SCN11A: variants seen among roughly 807,000 people sequenced by gnomAD.
The protein encoded by SCN11A is sodium voltage-gated channel alpha subunit 11, also known as sodium channel protein type 11 subunit alpha.
A neutral mutation model predicts 162.2 loss-of-function variants in SCN11A; 122 were observed. That is an observed-to-expected ratio of 0.75 (90% CI 0.65 to 0.87). The LOEUF (loss-of-function observed/expected upper bound fraction) is 0.87, where lower values mean the gene tolerates loss of function less well. Ranked by LOEUF, SCN11A falls within the 40% of genes least tolerant of loss-of-function variation. The pLI is 0.00. For missense variants in SCN11A, 2,015 were observed against 2,181.6 expected (o/e 0.92, Z 1.52); for synonymous variants, 758 against 751.5 (o/e 1.01, Z -0.14).
intron 2 of SCN11A, among the ~76,000 whole-genome samples, chr3:38,975,877 G>A (rs1041401897): frequency 1.3e-5 from 2 of 152,110 alleles, no homozygotes; most frequent in Non-Finnish European, 2.9e-5. Context: ...TTGGGAAGAT[G>A]AAAAAGCTCT....
chr3:39,007,648 G>A (rs148123559), intron 2 of SCN11A, among the ~76,000 whole-genome samples: 21 of 152,316 alleles, frequency 1.4e-4, no homozygotes, highest in African/African-American at 5.1e-4. Context: ...ATACATCATT[G>A]TGCCAGGAGA....
chr3:38,946,611 A>G (rs777367731), intron 6 of SCN11A, among the ~76,000 whole-genome samples, 178 bp downstream of exon 6: 23 of 152,232 alleles, frequency 1.5e-4, no homozygotes, highest in Non-Finnish European at 2.8e-4. Flanking sequence ...ATAGGACCCC[A>G]GAGAAGGAGA....
chr3:38,867,936 C>A (rs2065068118), intron 26 of SCN11A, among the ~76,000 whole-genome samples: 1 of 152,108 alleles, frequency 6.6e-6, no homozygotes, highest in East Asian at 1.9e-4. Context: ...GTGGTAATGT[C>A]CTTTCACTCT....
At position 38,950,069 on chromosome 3, in the gene SCN11A, A is replaced by ACCCC. The variant is rs375995524; in HGVS notation, c.267+23_267+26dup. On this transcript the variant is annotated intron_variant, in intron 5 of 29. Transcript: ENST00000302328. ...GCATGGTTAGAACACCCCCACCCCC[A>ACCCC]CCCCCCCCCCCCGCCCAATGAAGTA... The ACCCC allele has an allele frequency of 3.0e-4, 20 of 66,230 alleles. 6 individuals are homozygous for ACCCC. The highest frequency in any genetic ancestry group is 1.2e-3 in the South Asian group (5 of 4,052). The allele number at this position is 66,230 out of a possible 1,614,324, so 4.1% of individuals were successfully genotyped here. A position where few individuals can be genotyped will look rare whatever the true frequency, so the allele number is the denominator to read the frequency against.
chr3:38,993,365 G>A (rs1410929207), intron 2 of SCN11A, among the ~76,000 whole-genome samples: 2 of 152,198 alleles, frequency 1.3e-5, no homozygotes, highest in African/African-American at 2.4e-5. Context: ...GAGAGGCACT[G>A]AGCCAAAGCT....
intron 2 of SCN11A, among the ~76,000 whole-genome samples, chr3:39,020,034 T>C (rs747751898): frequency 3.0e-4 from 45 of 152,218 alleles, no homozygotes; most frequent in Non-Finnish European, 5.9e-4. Context: ...TTTACATCCC[T>C]GCTCTGTCTT....
chr3:38,917,814 GA>G, intron 11 of SCN11A, among the ~76,000 whole-genome samples: 1 of 152,166 alleles, frequency 6.6e-6, no homozygotes, highest in East Asian at 1.9e-4. Context: ...AAGCTAAAAA[GA>G]AGACCAGTTT....
chr3:38,861,966 G>C (rs1025223320), intron 28 of SCN11A, among the ~76,000 whole-genome samples: 1 of 152,232 alleles, frequency 6.6e-6, no homozygotes. Context: ...CACCAGGTGG[G>C]AGAAAATATT....
intron 19 of SCN11A, among the ~76,000 whole-genome samples, chr3:38,890,669 T>C (rs1344184729): frequency 2.6e-5 from 4 of 152,234 alleles, no homozygotes; most frequent in Non-Finnish European, 5.9e-5. Flanking sequence ...AGCAATTAGT[T>C]GAGCCTAAAA....
intron 29 of SCN11A, 114 bp from the exon 30 acceptor site, chr3:38,847,856 C>A: frequency 3.3e-6 from 2 of 613,244 alleles, no homozygotes; most frequent in Non-Finnish European, 5.7e-6. Flanking sequence ...TACTTTGTAG[C>A]TTATGTACAA....
chr3:38,865,021 T>C (rs1424096505), intron 27 of SCN11A, among the ~76,000 whole-genome samples: 1 of 152,210 alleles, frequency 6.6e-6, no homozygotes, highest in South Asian at 2.1e-4. Flanking sequence ...ATTGTGGTTA[T>C]GTTTAAAAAG....
At chr3:39,050,724 T>C (rs1575375767) in intron 1 of SCN11A, among the ~76,000 whole-genome samples, 2 of 152,366 alleles carry the variant, frequency 1.3e-5, no homozygotes, top group African/African-American at 4.8e-5. Flanking sequence ...AAATTTTATT[T>C]AGCCTAATAT....
chr3:38,904,604 A>C (rs893355369), intron 15 of SCN11A, among the ~76,000 whole-genome samples: 24 of 152,082 alleles, frequency 1.6e-4, no homozygotes, highest in African/African-American at 5.3e-4. Context: ...CTGCAGGGAC[A>C]CATGCAGGGC....
At chr3:38,891,441 A>T (rs986185260) in intron 19 of SCN11A, among the ~76,000 whole-genome samples, 14 of 152,210 alleles carry the variant, frequency 9.2e-5, no homozygotes, top group Admixed American at 2.6e-4. Context: ...CAGAAAGGAA[A>T]GAGAGAAAGG....
At chr3:38,885,863 G>A (rs889459229) in intron 20 of SCN11A, among the ~76,000 whole-genome samples, 3 of 152,136 alleles carry the variant, frequency 2.0e-5, no homozygotes, top group Admixed American at 6.5e-5. Context: ...CTTAACTGGC[G>A]GATGCTACTG....
At chr3:38,898,641 G>A (rs1156596827) in intron 17 of SCN11A, among the ~76,000 whole-genome samples, 1 of 152,242 alleles carries the variant, frequency 6.6e-6, no homozygotes, top group East Asian at 1.9e-4. Context: ...GACTTTATAG[G>A]AAACAACCTT....
chr3:39,002,399 T>G (rs940803360), intron 2 of SCN11A, among the ~76,000 whole-genome samples: 10 of 152,192 alleles, frequency 6.6e-5, no homozygotes, highest in Admixed American at 5.2e-4. Context: ...AGTTTCACCA[T>G]CTTGAATGAT....
At position 38,850,731 on chromosome 3, in the gene SCN11A, C is replaced by T. The variant is rs147459127; in HGVS notation, c.4077G>A (p.Val1359=). 3.6e-5 allele frequency: 58 copies of T among 1,606,892 alleles called. No individual in the cohort carries two copies. The highest frequency in any genetic ancestry group is 3.4e-5 in the Admixed American group (2 of 59,186). The change falls in exon 29 of 30, where the codon GTG becomes GTA. Residue 1359 remains valine (V), a synonymous_variant. Transcript: ENST00000302328. ...AGATCTGGCTTGTGACTATGTCGAA[C>T]ACGAGACCTTGACATTTGTTCTGAG... ...PRPLNKCQGL[V]FDIVTSQIFD...
intron 2 of SCN11A, among the ~76,000 whole-genome samples, chr3:38,961,881 G>A (rs1003474072): frequency 1.3e-5 from 2 of 152,118 alleles, no homozygotes; most frequent in Non-Finnish European, 2.9e-5. Context: ...TTAGGTCCCA[G>A]CTATTTATCT....
Sources: allele counts gnomAD v4.1 joint callset (sites outside exome capture counted in the v4.1 genomes callset), GRCh38; gene constraint gnomAD v4.1.1; transcripts MANE v1.5; gene names NCBI Gene and HGNC (gene_info 2026-07-23, HGNC 2026-07-21).